Variants in CCDC178 observed in about 807,000 individuals in gnomAD.
CCDC178 encodes the protein coiled-coil domain-containing protein 178.
A neutral mutation model predicts 117.4 loss-of-function variants in CCDC178; 126 were observed. The observed-to-expected ratio is 1.07, with a 90% CI of 0.93 to 1.24. CCDC178 has a LOEUF of 1.24. Ranked by LOEUF, CCDC178 falls within the 50% of genes most tolerant of loss-of-function variation. CCDC178 has a pLI of 0.00. For synonymous variants in CCDC178, 283 were observed against 313.4 expected (o/e 0.90, Z 1.02); for missense variants, 1,030 against 986.9 (o/e 1.04, Z -0.59).
intron 13 of CCDC178, 56 bp downstream of exon 13, chr18:33,267,146 A>G: frequency 6.5e-7 from 1 of 1,529,362 alleles, no homozygotes; most frequent in Non-Finnish European, 8.8e-7. Flanking sequence ...ATATGAGTTA[A>G]TATTTGGAAA....
At chr18:33,206,109 A>AT in intron 20 of CCDC178, among the ~76,000 whole-genome samples, 1 of 152,210 alleles carries the variant, frequency 6.6e-6, no homozygotes, top group Non-Finnish European at 1.5e-5. Flanking sequence ...TATGTCAGCT[A>AT]TTTATTTATT....
intron 21 of CCDC178, among the ~76,000 whole-genome samples, chr18:33,038,685 AAG>A (rs2144885215): frequency 6.6e-6 from 1 of 152,098 alleles, no homozygotes; most frequent in Admixed American, 6.6e-5. Context: ...TTTTTTTGCA[AAG>A]CCTGAGTCAT....
At chr18:32,984,266 C>G (rs1479172673) in intron 21 of CCDC178, among the ~76,000 whole-genome samples, 10 of 109,994 alleles carry the variant, frequency 9.1e-5, no homozygotes, top group Admixed American at 9.0e-4. Context: ...ATATATAAAA[C>G]CATGGTATGA....
chr18:33,092,771 T>C lies in CCDC178; in HGVS notation c.2378A>G (p.Asp793Gly), dbSNP rs747814510. The C allele has an allele frequency of 3.9e-6, 6 of 1,527,856 alleles. No individual in the cohort carries two copies. Among genetic ancestry groups the C allele is most frequent in the Non-Finnish European group, 5.4e-6 (6 of 1,118,302 alleles). 94.6% of individuals were successfully genotyped at this position (1,527,856 alleles called of 1,614,324 possible). A position where few individuals can be genotyped will look rare whatever the true frequency, so the allele number is the denominator to read the frequency against. ...TAGAAAAACCAATACCTGTTTCTTA[T>C]CTCTAATTGAAGTATCAAGTGATAG... ...KQLSLDTSIR[D>G]KKQLCQLQRR... Residue 793 changes from aspartate to glycine, a missense_variant, in exon 21 of 23, where the codon GAT becomes GGT. Transcript: ENST00000383096.
At chr18:33,071,187 G>A (rs950284174) in intron 21 of CCDC178, among the ~76,000 whole-genome samples, 2 of 152,040 alleles carry the variant, frequency 1.3e-5, no homozygotes, top group African/African-American at 4.8e-5. Context: ...TCATTGATCA[G>A]AGTGAGCTAG....
intron 3 of CCDC178, among the ~76,000 whole-genome samples, chr18:33,402,493 T>G (rs1224508624): frequency 6.6e-6 from 1 of 152,190 alleles, no homozygotes; most frequent in East Asian, 1.9e-4. Context: ...CCTAAAGAAC[T>G]GTCATTTTTA....
chr18:33,016,003 G>GGGAAAAACTTCCAAATTTGGA (rs2055980588), intron 21 of CCDC178, among the ~76,000 whole-genome samples: 1 of 152,034 alleles, frequency 6.6e-6, no homozygotes, highest in Non-Finnish European at 1.5e-5. Flanking sequence ...GAGAGTTGTG[G>GGGAAAAACTTCCAAATTTGGA]GGAAAAACTT....
intron 20 of CCDC178, among the ~76,000 whole-genome samples, chr18:33,106,101 A>C (rs271434): frequency 6.6e-6 from 1 of 151,516 alleles, no homozygotes; most frequent in Non-Finnish European, 1.5e-5. Flanking sequence ...AAGTGACACA[A>C]GTCTAAATTG....
At chr18:32,951,791 A>G (rs2054491432) in intron 22 of CCDC178, among the ~76,000 whole-genome samples, 1 of 152,204 alleles carries the variant, frequency 6.6e-6, no homozygotes, top group South Asian at 2.1e-4. Flanking sequence ...TTGACCTATG[A>G]GCCTGTAAAA....
intron 20 of CCDC178, among the ~76,000 whole-genome samples, chr18:33,095,229 T>C (rs1320787060): frequency 6.6e-6 from 1 of 151,954 alleles, no homozygotes; most frequent in Non-Finnish European, 1.5e-5. Context: ...AGATTTATTG[T>C]TTTTTACTCA....
intron 20 of CCDC178, among the ~76,000 whole-genome samples, chr18:33,193,264 CAAAAAAAAAAAAAA>C (rs59092607): frequency 7.8e-5 from 6 of 77,152 alleles, no homozygotes; most frequent in South Asian, 6.5e-4. Flanking sequence ...CTCCGTCTCA[CAAAAAAAAAAAAAA>C]AAAAAAAAAA....
intron 9 of CCDC178, among the ~76,000 whole-genome samples, chr18:33,341,584 A>G (rs1454246294): frequency 6.6e-6 from 1 of 152,160 alleles, no homozygotes. Context: ...AGGTAATTTA[A>G]TCACATGGTC....
chr18:32,959,275 C>T (rs2054656880), intron 22 of CCDC178, among the ~76,000 whole-genome samples: 1 of 152,068 alleles, frequency 6.6e-6, no homozygotes, highest in Non-Finnish European at 1.5e-5. Context: ...ATAATATGTG[C>T]AGTTTCTTAC....
Position 33,092,810 on chromosome 18 carries a change from A to T in CCDC178, c.2339T>A (p.Ile780Lys). 6.4e-7 allele frequency: 1 copy of T among 1,552,914 alleles called. No individual in the cohort carries two copies. ...ATCAAGTGATAGCTGTTTATCATAT[A>T]TATTGAAATAATTGTCCTTTTCTTT... ...FLKEKDNYFN[I>K]YDKQLSLDTS... is the part of the protein sequence containing the mutation. Residue 780 changes from isoleucine (I) to lysine (K), a missense_variant, in exon 21 of 23, where the codon ATA becomes AAA. By Grantham distance (102) the Ile-to-Lys change is moderately radical. Coordinates refer to ENST00000383096, the MANE Select transcript of CCDC178 (RefSeq NM_001105528.4).
In CCDC178 at chr18:33,397,686, T is replaced by A. The variant is rs553500561; in HGVS notation, c.59-478A>T. Among the ~76,000 whole-genome samples the A allele has an allele frequency of 1.4e-4, 22 of 152,254 alleles. No homozygotes were observed. The South Asian group carries it at 2.5e-3, about 17-fold the overall frequency. ...ATTATTTACGCACGTCATAACTGCA[T>A]CTCTAGAAAATCCTCAGTACAAAAT... On this transcript the variant is annotated intron_variant, in intron 3 of 22. Coordinates refer to ENST00000383096, the MANE Select transcript of CCDC178 (RefSeq NM_001105528.4).
chr18:32,965,846 T>G (rs916857778), intron 22 of CCDC178, among the ~76,000 whole-genome samples: 58 of 150,666 alleles, frequency 3.8e-4, no homozygotes, highest in Non-Finnish European at 8.3e-4. Context: ...TATTTGGCAT[T>G]TTTTCATATA....
intron 22 of CCDC178, among the ~76,000 whole-genome samples, chr18:32,953,376 C>T (rs2054530512): frequency 6.6e-6 from 1 of 152,200 alleles, no homozygotes. Flanking sequence ...CCCATGTCTT[C>T]CTATCTTCTG....
intron 20 of CCDC178, among the ~76,000 whole-genome samples, chr18:33,162,124 C>G (rs937885436): frequency 6.6e-6 from 1 of 151,980 alleles, no homozygotes; most frequent in Non-Finnish European, 1.5e-5. Context: ...TAGGTGGGAA[C>G]TGAACAATGA....
intron 21 of CCDC178, among the ~76,000 whole-genome samples, chr18:33,043,855 T>C (rs771956909): frequency 2.6e-5 from 4 of 151,870 alleles, no homozygotes; most frequent in Non-Finnish European, 5.9e-5. Flanking sequence ...TTATCCTCTC[T>C]CAAAATTTCT....
Sources: allele counts gnomAD v4.1 joint callset (sites outside exome capture counted in the v4.1 genomes callset), GRCh38; gene constraint gnomAD v4.1.1; transcripts MANE v1.5; gene names NCBI Gene and HGNC (gene_info 2026-07-23, HGNC 2026-07-21).